Variants in THRAP3 observed in about 807,000 individuals in gnomAD.
THRAP3 encodes the protein thyroid hormone receptor associated protein 3.
A neutral mutation model predicts 101.0 loss-of-function variants in THRAP3; 16 were observed. The ratio of observed to expected loss-of-function variants is 0.16; its 90% confidence interval spans 0.11 to 0.24. THRAP3 has a LOEUF of 0.24. Among genes scored for constraint, THRAP3 ranks in the 10% least tolerant of loss-of-function variants. The pLI is 1.00. For missense variants in THRAP3, 989 were observed against 1,202.7 expected (o/e 0.82, Z 2.63); for synonymous variants, 407 against 422.6 (o/e 0.96, Z 0.45).
intron 1 of THRAP3, among the ~76,000 whole-genome samples, chr1:36,240,768 T>C (rs1645145438): frequency 6.6e-6 from 1 of 152,232 alleles, no homozygotes; most frequent in African/African-American, 2.4e-5. Flanking sequence ...TGGATACTTC[T>C]AGAAGTCAGC....
chr1:36,237,330 T>C (rs1645102223), intron 1 of THRAP3, among the ~76,000 whole-genome samples: 2 of 151,502 alleles, frequency 1.3e-5, no homozygotes, highest in Admixed American at 1.3e-4. Context: ...CAGCTGGGCG[T>C]GTTGGCAAGC....
At chr1:36,292,561 T>C (rs1645890172) in intron 6 of THRAP3, 37 bp from the exon 7 acceptor site, 1 of 1,545,342 alleles carries the variant, frequency 6.5e-7, no homozygotes, top group Non-Finnish European at 8.9e-7. Flanking sequence ...TGAGCCACCA[T>C]GCCTGGCCCA....
At chr1:36,295,325 C>T (rs1172055913) in intron 8 of THRAP3, among the ~76,000 whole-genome samples, 6 of 150,878 alleles carry the variant, frequency 4.0e-5, no homozygotes, top group Non-Finnish European at 8.8e-5. Flanking sequence ...CATATGTAAA[C>T]TATTAATGCA....
chr1:36,282,805 G>T lies in THRAP3; in HGVS notation c.137+105G>T, dbSNP rs935049815. On this transcript the variant is annotated intron_variant, in intron 3 of 11. Transcript: ENST00000354618. ...TTCCTGTGAGTGTCAAATGGACTGG[G>T]GGGTTGGCTTGAGGTGCAGGGTTGG... is the stretch of plus-strand genomic sequence containing the variant. 6 of 1,365,894 alleles carry T rather than the reference G, an allele frequency of 4.4e-6. No individual in the cohort carries two copies. The African/African-American group carries it at 5.7e-5, about 13-fold the overall frequency. The allele number at this position is 1,365,894 out of a possible 1,614,324, so 84.6% of individuals were successfully genotyped here.
chr1:36,226,871 T>G (rs1021424780), intron 1 of THRAP3, among the ~76,000 whole-genome samples: 2 of 152,168 alleles, frequency 1.3e-5, no homozygotes, highest in African/African-American at 4.8e-5. Flanking sequence ...TTTTGGAAAC[T>G]TAACAGGATT....
chr1:36,208,404 C>G, the THRAP3 span, among the ~76,000 whole-genome samples: 3 of 152,080 alleles, frequency 2.0e-5, no homozygotes, highest in African/African-American at 7.2e-5. Context: ...GATCTGGCAT[C>G]AAAATCTGTG....
chr1:36,222,599 G>C (rs1227802376), upstream of THRAP3, among the ~76,000 whole-genome samples: 1 of 151,898 alleles, frequency 6.6e-6, no homozygotes, highest in Non-Finnish European at 1.5e-5. Context: ...GTAGAGAACG[G>C]GTTTCGCCAT....
chr1:36,247,470 G>A (rs1402313938), intron 1 of THRAP3, among the ~76,000 whole-genome samples: 1 of 151,786 alleles, frequency 6.6e-6, no homozygotes. Context: ...GATTACAGGC[G>A]TGTGCCACCA....
chr1:36,277,298 T>C (rs1400347932), intron 2 of THRAP3, among the ~76,000 whole-genome samples: 2 of 150,852 alleles, frequency 1.3e-5, no homozygotes, highest in Non-Finnish European at 3.0e-5. Flanking sequence ...TTTTTTGAGA[T>C]GGAGTCTTGC....
intron 1 of THRAP3, among the ~76,000 whole-genome samples, chr1:36,236,080 C>A (rs945691074): frequency 2.5e-4 from 38 of 150,774 alleles, no homozygotes; most frequent in African/African-American, 9.4e-4. Flanking sequence ...AACCCCGTCT[C>A]TACTAAAAAT....
upstream of THRAP3, among the ~76,000 whole-genome samples, chr1:36,223,217 A>G (rs181672940): frequency 2.0e-5 from 3 of 152,338 alleles, no homozygotes; most frequent in Admixed American, 1.3e-4. Context: ...GAAGTGCTCA[A>G]AGAAGGAAGA....
intron 1 of THRAP3, among the ~76,000 whole-genome samples, chr1:36,229,386 G>GT (rs1164227708): frequency 6.7e-6 from 1 of 149,856 alleles, no homozygotes; most frequent in African/African-American, 2.5e-5. Context: ...GTGAGCCACC[G>GT]TGTCTGGTCT....
intron 7 of THRAP3, 94 bp from the exon 8 acceptor site, chr1:36,293,757 C>T (rs780103830): frequency 3.6e-5 from 34 of 942,168 alleles, no homozygotes; most frequent in Non-Finnish European, 5.1e-5. Flanking sequence ...AAAAATAATG[C>T]CTGTGAATCT....
At chr1:36,220,975 AT>A (rs1557797704), upstream of THRAP3, among the ~76,000 whole-genome samples, 343 of 99,294 alleles carry the variant, frequency 3.5e-3, 1 homozygote, top group African/African-American at 0.01. Flanking sequence ...AAAAAAAAAT[AT>A]ATATATATAT....
intron 1 of THRAP3, among the ~76,000 whole-genome samples, chr1:36,229,378 G>A (rs1033086773): frequency 1.3e-5 from 2 of 148,644 alleles, no homozygotes; most frequent in Admixed American, 6.7e-5. Context: ...TTATAGCGGT[G>A]AGCCACCGTG....
At chr1:36,216,118 T>G in the THRAP3 span, among the ~76,000 whole-genome samples, 2 of 152,042 alleles carry the variant, frequency 1.3e-5, no homozygotes, top group Admixed American at 1.3e-4. Flanking sequence ...GTGGCTCACA[T>G]CTGAAATCCT....
intron 2 of THRAP3, among the ~76,000 whole-genome samples, chr1:36,265,026 A>G (rs561052947): frequency 6.0e-4 from 91 of 152,216 alleles, no homozygotes; most frequent in African/African-American, 2.1e-3. Flanking sequence ...TTTTATAAGC[A>G]TCGTATACCT....
At chr1:36,255,123 TTTG>T (rs1272822106) in intron 1 of THRAP3, among the ~76,000 whole-genome samples, 1 of 152,200 alleles carries the variant, frequency 6.6e-6, no homozygotes, top group Non-Finnish European at 1.5e-5. Flanking sequence ...GAGATTACAT[TTTG>T]TTATTCATTA....
intron 6 of THRAP3, among the ~76,000 whole-genome samples, chr1:36,292,297 A>C (rs954380898): frequency 1.7e-4 from 8 of 46,430 alleles, no homozygotes; most frequent in African/African-American, 5.7e-4. Flanking sequence ...TTTGAGACGG[A>C]GTCTTGCTCT....
Sources: allele counts gnomAD v4.1 joint callset (sites outside exome capture counted in the v4.1 genomes callset), GRCh38; gene constraint gnomAD v4.1.1; transcripts MANE v1.5; gene names NCBI Gene and HGNC (gene_info 2026-07-23, HGNC 2026-07-21).